Variants in PCDHGA5 observed in about 807,000 individuals in gnomAD.
The protein encoded by PCDHGA5 is protocadherin gamma subfamily A, 5.
Under a neutral mutation model 56.7 loss-of-function variants are expected in PCDHGA5, and 36 were observed. The ratio of observed to expected loss-of-function variants is 0.64; its 90% confidence interval spans 0.49 to 0.84. The LOEUF is 0.84. Ranked by LOEUF, PCDHGA5 falls within the 40% of genes least tolerant of loss-of-function variation. The pLI is 0.00. For missense variants in PCDHGA5, 1,305 were observed against 1,201.5 expected, an observed-to-expected ratio of 1.09 and a Z score of -1.27; for synonymous variants, 563 against 520.2, an observed-to-expected ratio of 1.08 and a Z score of -1.12.
rs773840884 is a variant in PCDHGA5 at position 141,372,185 on chromosome 5, C to G, written c.2421+5434C>G. 1.9e-6 allele frequency: 3 copies of G among 1,613,630 alleles called. No homozygotes were observed. The South Asian group carries it at 3.3e-5, about 18-fold the overall frequency. On this transcript the variant is annotated intron_variant, in intron 1 of 3. Coordinates refer to ENST00000518069, the MANE Select transcript of PCDHGA5 (RefSeq NM_018918.3). ...CCAAGGTGGTGGCGGTGGACGCAGA[C>G]TCGGGATACAACGCCTGGCTGTCCT...
chr5:141,397,359 A>T (rs372780097), intron 1 of PCDHGA5, among the ~76,000 whole-genome samples: 10 of 152,226 alleles, frequency 6.6e-5, no homozygotes, highest in African/African-American at 2.4e-4. Flanking sequence ...AGTCAGGAAG[A>T]GGAGATGTTT....
chr5:141,501,130 G>A (rs528942194), intron 2 of PCDHGA5, among the ~76,000 whole-genome samples: 5 of 152,100 alleles, frequency 3.3e-5, no homozygotes, highest in African/African-American at 4.8e-5. Flanking sequence ...GCCTCCCTAA[G>A]TGCTGGGATT....
intron 1 of PCDHGA5, chr5:141,384,779 G>T (rs1252058358): frequency 6.2e-7 from 1 of 1,613,592 alleles, no homozygotes; most frequent in Non-Finnish European, 8.5e-7. Context: ...GGCGAGGTGC[G>T]CACGGCTCGG....
At chr5:141,399,762 C>T (rs1415096807) in intron 1 of PCDHGA5, 4 of 1,613,352 alleles carry the variant, frequency 2.5e-6, no homozygotes, top group Non-Finnish European at 2.5e-6. Flanking sequence ...TGAGCCTGCG[C>T]GTGTTGGTGG....
At chr5:141,371,221 A>C (rs769598930) in intron 1 of PCDHGA5, 3 of 1,614,064 alleles carry the variant, frequency 1.9e-6, no homozygotes, top group Non-Finnish European at 1.7e-6. Context: ...ATCAATGCCG[A>C]AATCATCTAT....
intron 1 of PCDHGA5, chr5:141,479,437 C>G (rs2099496053): frequency 6.6e-6 from 1 of 152,224 alleles, no homozygotes; most frequent in Admixed American, 6.5e-5. Flanking sequence ...AATCCACTGT[C>G]TGCACTAAGT....
At position 141,431,784 on chromosome 5, in the gene PCDHGA5, A is replaced by G; in HGVS notation, c.2422-63023A>G. On this transcript the variant is annotated intron_variant, in intron 1 of 3. Coordinates refer to ENST00000518069, the MANE Select transcript of PCDHGA5 (RefSeq NM_018918.3). The surrounding 1 kb of genome is among the most constrained non-coding windows in gnomAD (Gnocchi z 4.8). ...CTGATCACTGTTCTGGACGTGAACG[A>G]CAATGCCCCAGAAGTGGTCCTCACC... 1 of 1,614,220 alleles carries G rather than the reference A, an allele frequency of 6.2e-7. No individual in the cohort carries two copies. Among genetic ancestry groups the G allele is most frequent in the Non-Finnish European group, 8.5e-7 (1 of 1,180,022 alleles).
Position 141,413,187 on chromosome 5 carries a change from A to G in PCDHGA5, c.2421+46436A>G, listed in dbSNP as rs778441437. The G allele has an allele frequency of 6.2e-6, 10 of 1,606,328 alleles. No individual in the cohort carries two copies. The African/African-American group carries it at 1.3e-4, about 22-fold the overall frequency. On this transcript the variant is annotated intron_variant, in intron 1 of 3. Transcript: ENST00000518069. Reference sequence around the variant, plus strand: ...GTAACCAGACTACAATGGCCGCTCAAAGGAATCGCTCAAAGGAATCAAAGG... The same window carrying G: ...GTAACCAGACTACAATGGCCGCTCAGAGGAATCGCTCAAAGGAATCAAAGG...
chr5:141,458,054 T>G (rs2098935656), intron 1 of PCDHGA5, among the ~76,000 whole-genome samples: 1 of 152,252 alleles, frequency 6.6e-6, no homozygotes, highest in Admixed American at 6.5e-5. Context: ...GGATTCTTGC[T>G]GCACTGATGC....
In PCDHGA5 at chr5:141,365,800, C is replaced by A; in HGVS notation, c.1470C>A (p.Ser490=). The change falls in exon 1 of 4, where the codon TCC becomes TCA. Residue 490 remains serine, a synonymous_variant. Coordinates refer to ENST00000518069, the MANE Select transcript of PCDHGA5 (RefSeq NM_018918.3). ...GCGACAACGCTCGAGTCACCTACTC[C>A]CTGGCTGAAGACACATTTCAGGGGG... ...DSGDNARVTY[S]LAEDTFQGAP... is the part of the protein sequence containing the mutation. 6.2e-7 allele frequency: 1 copy of A among 1,613,914 alleles called. No homozygotes were observed. The highest frequency in any genetic ancestry group is 1.6e-4 in the Middle Eastern group (1 of 6,062).
chr5:141,400,453 C>G, intron 1 of PCDHGA5: 2 of 1,614,056 alleles, frequency 1.2e-6, no homozygotes, highest in South Asian at 2.2e-5. Flanking sequence ...ACAAGACATA[C>G]TTTGTGGTGA....
At chr5:141,504,378 C>T (rs2099837786) in intron 2 of PCDHGA5, among the ~76,000 whole-genome samples, 1 of 152,052 alleles carries the variant, frequency 6.6e-6, no homozygotes, top group Non-Finnish European at 1.5e-5. Flanking sequence ...CAGGTGGAGT[C>T]GCTGCCTCAC....
chr5:141,365,786 C>G lies in PCDHGA5; in HGVS notation c.1456C>G (p.Arg486Gly), dbSNP rs1446985601. 1.2e-6 allele frequency: 2 copies of G among 1,613,932 alleles called. No individual in the cohort carries two copies. The highest frequency in any genetic ancestry group is 2.2e-5 in the East Asian group (1 of 44,880). ...TGACCCCGACAGCGGCGACAACGCTCGAGTCACCTACTCCCTGGCTGAAGA... is the reference window on the plus strand; with the variant it reads ...TGACCCCGACAGCGGCGACAACGCTGGAGTCACCTACTCCCTGGCTGAAGA... The part of the protein sequence containing the change: ...AHDPDSGDNA[R>G]VTYSLAEDTF... The change falls in exon 1 of 4, where the codon CGA becomes GGA. Residue 486 changes from arginine (R) to glycine (G), a missense_variant. Coordinates refer to ENST00000518069, the MANE Select transcript of PCDHGA5 (RefSeq NM_018918.3).
intron 1 of PCDHGA5, chr5:141,422,609 A>G: frequency 6.2e-7 from 1 of 1,613,882 alleles, no homozygotes; most frequent in Non-Finnish European, 8.5e-7. Context: ...TACTCTGCCT[A>G]CATTCCCGAA....
chr5:141,405,477 T>A, intron 1 of PCDHGA5: 1 of 1,025,232 alleles, frequency 9.8e-7, no homozygotes, highest in Non-Finnish European at 1.4e-6. Context: ...TGGAATGCAG[T>A]GGTGTGATCT....
Position 141,486,998 on chromosome 5 carries a change from C to T in PCDHGA5, c.2422-7809C>T. 1.2e-6 allele frequency: 2 copies of T among 1,614,206 alleles called. No individual in the cohort carries two copies. Among genetic ancestry groups the T allele is most frequent in the Non-Finnish European group, 1.7e-6 (2 of 1,180,034 alleles). On this transcript the variant is annotated intron_variant, in intron 1 of 3. Transcript: ENST00000518069. The surrounding 1 kb of genome is among the most constrained non-coding windows in gnomAD (Gnocchi z 5.0). The stretch of plus-strand genomic sequence containing the variant: ...AGGTTACAATGCTTGGGTTTCCTAT[C>T]AGCTCCTGGAGGCCCCAGATCCCAG...
At chr5:141,409,276 G>A (rs1458443407) in intron 1 of PCDHGA5, 5 of 1,613,882 alleles carry the variant, frequency 3.1e-6, no homozygotes, top group African/African-American at 2.7e-5. Context: ...AGATTTTGGA[G>A]AATTCACCTC....
At chr5:141,423,095 A>G (rs2096708889) in intron 1 of PCDHGA5, 3 of 1,613,978 alleles carry the variant, frequency 1.9e-6, no homozygotes, top group Non-Finnish European at 2.5e-6. Flanking sequence ...GTGGGGGAGC[A>G]CACGGGCGAG....
Position 141,487,544 on chromosome 5 carries a change from C to A in PCDHGA5, c.2422-7263C>A. 1 of 1,614,190 alleles carries A rather than the reference C, an allele frequency of 6.2e-7. No homozygotes were observed. The highest frequency in any genetic ancestry group is 1.1e-5 in the South Asian group (1 of 91,088). On this transcript the variant is annotated intron_variant, in intron 1 of 3. Transcript: ENST00000518069. This position sits in a 1 kb window ranked among gnomAD's most constrained non-coding sequence, Gnocchi z 5.0. ...TGATAGCTTCATGATGGTGAAGTCA[C>A]CCAGTGCACCTATGGCAGGGGAGCC... is the stretch of plus-strand genomic sequence containing the variant.
Sources: allele counts gnomAD v4.1 joint callset (sites outside exome capture counted in the v4.1 genomes callset), GRCh38; gene constraint gnomAD v4.1.1; non-coding constraint Gnocchi (gnomAD v3.1); transcripts MANE v1.5; gene names NCBI Gene and HGNC (gene_info 2026-07-23, HGNC 2026-07-21).